The following TET1 variants were observed in gnomAD, a reference collection of about 807,000 sequenced individuals.
TET1 encodes methylcytosine dioxygenase TET1.
In TET1, 13 loss-of-function variants were observed where a neutral mutation model predicts 148.7. The ratio of observed to expected loss-of-function variants is 0.09; its 90% CI spans 0.06 to 0.14. The LOEUF (loss-of-function observed/expected upper bound fraction) is 0.14. Ranked by LOEUF, TET1 falls within the 10% of genes least tolerant of loss-of-function variation. TET1 has a pLI of 1.00. For synonymous variants in TET1, 907 were observed against 937.2 expected, an observed-to-expected ratio of 0.97 and a Z score of 0.59; for missense variants, 2,182 against 2,553.8, an observed-to-expected ratio of 0.85 and a Z score of 3.14.
chr10:68,629,233 C>T (rs775162870), intron 3 of TET1, among the ~76,000 whole-genome samples: 2 of 151,828 alleles, frequency 1.3e-5, no homozygotes, highest in Admixed American at 6.6e-5. Context: ...GGTGTGGTGG[C>T]GAGTGCCTGT....
chr10:68,572,356 T>C lies in TET1; in HGVS notation c.18T>C (p.His6=), dbSNP rs750719631. 5.0e-6 allele frequency: 8 copies of C among 1,604,592 alleles called. No individual in the cohort carries two copies. The highest frequency in any genetic ancestry group is 1.7e-4 in the Middle Eastern group (1 of 6,014). MSRSR[H]ARPSRLVRKE... is the part of the protein sequence containing the mutation. ...CTGTAGCTATGTCTCGATCCCGCCA[T>C]GCAAGGCCTTCCAGATTAGTCAGGA... The change falls in exon 2 of 12, where the codon CAT becomes CAC. Residue 6 remains histidine (H), a synonymous_variant. Transcript: ENST00000373644.
In TET1 at chr10:68,691,853, T is replaced by C. The variant is rs757304547; in HGVS notation, c.*39T>C. 7.1e-6 allele frequency: 11 copies of C among 1,547,484 alleles called. No homozygotes were observed. Among genetic ancestry groups the C allele is most frequent in the Non-Finnish European group, 9.6e-6 (11 of 1,149,876 alleles). ...CCTCTTAATGCCTTTGCTAGTGCAG[T>C]GTATTTTTTCAAGGTGCTGTTAAAA... is the stretch of plus-strand genomic sequence containing the variant. On this transcript the variant is annotated 3_prime_UTR_variant, in exon 12 of 12. Transcript: ENST00000373644. This position sits in a 1 kb window ranked among gnomAD's most constrained non-coding sequence, Gnocchi z 4.4.
rs1311154892 is a variant in TET1 at position 68,694,394 on chromosome 10, TTG to T, written c.*2583_*2584del. On this transcript the variant is annotated 3_prime_UTR_variant, in exon 12 of 12. Transcript: ENST00000373644. ...AAAGCTTATTCAATGTTCTGCAGCA[TTG>T]TGATTGTATGCTGGCTACACTGCTT... The T allele has an allele frequency of 1.3e-5, 3 of 232,474 alleles. No individual in the cohort carries two copies. The highest frequency in any genetic ancestry group is 5.6e-5 in the Admixed American group (1 of 17,772). The allele number at this position is 232,474 out of a possible 1,614,324, so 14.4% of individuals were successfully genotyped here. A position where few individuals can be genotyped will look rare whatever the true frequency, so the allele number is the denominator to read the frequency against.
In TET1 at chr10:68,683,704, G is replaced by A. The variant is rs140404286; in HGVS notation, c.5052+731G>A. On this transcript the variant is annotated intron_variant, in intron 10 of 11. Transcript: ENST00000373644. ...TGGGATTACAGGTGTGAGCCAACGC[G>A]CTCGGCCAATTTTTTAAAGTAACAA... Among the ~76,000 whole-genome samples the A allele has an allele frequency of 5.9e-4, 90 of 152,300 alleles. 2 individuals carry two copies. The East Asian group carries it at 0.015, about 26-fold the overall frequency.
Position 68,658,197 on chromosome 10 carries a change from C to A in TET1, c.4461+5603C>A, listed in dbSNP as rs544539386. 2.6e-5 allele frequency among the ~76,000 whole-genome samples: 4 copies of A among 151,922 alleles called. No homozygotes were observed. In the South Asian group the frequency reaches 8.3e-4, roughly 32 times the overall value. On this transcript the variant is annotated intron_variant, in intron 6 of 11. Coordinates refer to ENST00000373644, the MANE Select transcript of TET1 (RefSeq NM_030625.3). ...GTTCTGTCCTAAACTGCCCCCTCAC[C>A]TTTTTTTTAAGTTGTGTTTCTCTTG...
intron 11 of TET1, among the ~76,000 whole-genome samples, chr10:68,689,160 C>T (rs183343997): frequency 7.9e-4 from 121 of 152,266 alleles, no homozygotes; most frequent in African/African-American, 2.7e-3. Context: ...AATAATAGTG[C>T]CACTGATAAC....
At chr10:68,643,260 T>C (rs1346685685) in intron 3 of TET1, among the ~76,000 whole-genome samples, 1 of 10,104 alleles carries the variant, frequency 9.9e-5, no homozygotes, top group Non-Finnish European at 2.4e-4. Flanking sequence ...AGACCCTGTC[T>C]CAAAAAAAAA....
chr10:68,578,352 G>A (rs1316035638), intron 2 of TET1, among the ~76,000 whole-genome samples: 4 of 152,164 alleles, frequency 2.6e-5, no homozygotes, highest in East Asian at 1.9e-4. Context: ...TCCACCTCCC[G>A]GGTTCAAGCA....
At chr10:68,586,493 T>TG (rs1469946230) in intron 2 of TET1, among the ~76,000 whole-genome samples, 4 of 139,624 alleles carry the variant, frequency 2.9e-5, no homozygotes, top group African/African-American at 1.3e-4. Flanking sequence ...ACGTTTTTTT[T>TG]TTTTTTTTAA....
In TET1 at chr10:68,646,925, C is replaced by T; in HGVS notation, c.4196C>T (p.Ala1399Val). 1.9e-6 allele frequency: 3 copies of T among 1,614,094 alleles called. No homozygotes were observed. The highest frequency in any genetic ancestry group is 2.2e-5 in the East Asian group (1 of 44,882). ...GCACAGAAAAATTTTAATGATTATG[C>T]CATGAACTTCTTTACTAACCCTACA... ...DSAQKNFNDY[A>V]MNFFTNPTKN... is the part of the protein sequence containing the mutation. The change falls in exon 4 of 12, where the codon GCC (alanine) becomes GTC (valine). Residue 1399 changes from alanine (A) to valine (V), a missense_variant. Ala to Val is a moderately conservative substitution (Grantham distance 64). Coordinates refer to ENST00000373644, the MANE Select transcript of TET1 (RefSeq NM_030625.3).
chr10:68,670,039 C>T (rs1255904001), intron 7 of TET1, among the ~76,000 whole-genome samples: 2 of 152,106 alleles, frequency 1.3e-5, no homozygotes, highest in East Asian at 3.9e-4. Flanking sequence ...CTGTTGTAGA[C>T]TTATTTCTTT....
chr10:68,598,077 T>C (rs761224425), intron 2 of TET1, among the ~76,000 whole-genome samples: 2 of 152,212 alleles, frequency 1.3e-5, no homozygotes, highest in Admixed American at 6.5e-5. Flanking sequence ...TTAATGTCAC[T>C]GAACGATACA....
At chr10:68,654,303 C>A (rs2054987869) in intron 6 of TET1, among the ~76,000 whole-genome samples, 1 of 151,808 alleles carries the variant, frequency 6.6e-6, no homozygotes, top group South Asian at 2.1e-4. Context: ...TAAAAAAAAT[C>A]TAAGCAGAGT....
intron 7 of TET1, among the ~76,000 whole-genome samples, chr10:68,670,142 A>G (rs2055253638): frequency 6.6e-6 from 1 of 152,216 alleles, no homozygotes; most frequent in Non-Finnish European, 1.5e-5. Flanking sequence ...GTTCTCTTGT[A>G]TATCCCCATA....
At chr10:68,685,101 C>A (rs67410932) in intron 10 of TET1, among the ~76,000 whole-genome samples, 15,904 of 151,968 alleles carry the variant, frequency 0.1, 972 homozygotes, top group South Asian at 0.17. Context: ...CAATTAAAAA[C>A]AAAATTAGCT....
intron 8 of TET1, among the ~76,000 whole-genome samples, chr10:68,676,256 A>ATGTATGTGTG (rs2055353858): frequency 2.5e-5 from 1 of 40,380 alleles, no homozygotes; most frequent in Admixed American, 4.4e-4. Context: ...ATATATATAT[A>ATGTATGTGTG]TATATATATA....
Position 68,691,501 on chromosome 10 carries a change from T to C in TET1, c.6098T>C (p.Val2033Ala). 1 of 1,614,102 alleles carries C rather than the reference T, an allele frequency of 6.2e-7. No homozygotes were observed. The highest frequency in any genetic ancestry group is 8.5e-7 in the Non-Finnish European group (1 of 1,180,030). ...CGAGAGCTGCACGCTACCACTCCTGTTGAGCACCCCAACCGTAATCATCCA... is the reference window on the plus strand; with the variant it reads ...CGAGAGCTGCACGCTACCACTCCTGCTGAGCACCCCAACCGTAATCATCCA... ...ARRELHATTPVEHPNRNHPTR... is the reference protein window; with the variant it reads ...ARRELHATTPAEHPNRNHPTR... The change falls in exon 12 of 12, where the codon GTT becomes GCT. Residue 2033 changes from valine (V) to alanine (A), a missense_variant. Physicochemically the swap from Val to Ala is moderately conservative, Grantham distance 64 (BLOSUM62 0). Coordinates refer to ENST00000373644, the MANE Select transcript of TET1 (RefSeq NM_030625.3). The surrounding 1 kb of genome is among the most constrained non-coding windows in gnomAD (Gnocchi z 4.4).
chr10:68,586,460 G>T (rs2053862041), intron 2 of TET1, among the ~76,000 whole-genome samples: 1 of 147,920 alleles, frequency 6.8e-6, no homozygotes, highest in Admixed American at 6.8e-5. Context: ...TTGCAGGCGT[G>T]TGCCATTGCA....
chr10:68,560,610 G>A lies in TET1; in HGVS notation c.-255G>A. The A allele has an allele frequency of 6.5e-6, 1 of 152,698 alleles. No homozygotes were observed. The highest frequency in any genetic ancestry group is 1.5e-5 in the Non-Finnish European group (1 of 68,336). 9.5% of individuals were successfully genotyped at this position (152,698 alleles called of 1,614,324 possible). A position where few individuals can be genotyped will look rare whatever the true frequency, so the allele number is the denominator to read the frequency against. Reference sequence around the variant, plus strand: ...TAGGCGTCCTCCGCGACCCGCCCGCGCCCCTCGCGCCCGCCGGGGCCCCGG... The same window carrying A: ...TAGGCGTCCTCCGCGACCCGCCCGCACCCCTCGCGCCCGCCGGGGCCCCGG... On this transcript the variant is annotated 5_prime_UTR_variant, in exon 1 of 12. Coordinates refer to ENST00000373644, the MANE Select transcript of TET1 (RefSeq NM_030625.3).
Sources: gnomAD v4.1 joint callset for allele counts (sites outside exome capture counted in the v4.1 genomes callset) on GRCh38, gnomAD v4.1.1 for gene constraint, Gnocchi (gnomAD v3.1) non-coding constraint, MANE v1.5 for transcripts, NCBI Gene and HGNC (gene_info 2026-07-23, HGNC 2026-07-21) for gene names.